Variants in GRB2 observed in about 807,000 individuals in gnomAD.
GRB2 encodes growth factor receptor bound protein 2, also known as growth factor receptor-bound protein 2.
A neutral mutation model predicts 27.4 loss-of-function variants in GRB2; 2 were observed. The ratio of observed to expected loss-of-function variants is 0.07; its 90% CI spans 0.03 to 0.23. The LOEUF is 0.23. Among genes scored for constraint, GRB2 ranks in the 10% least tolerant of loss-of-function variants. The probability of loss-of-function intolerance (pLI) is 1.00; values close to 1 mark genes in which losing one functional copy is unlikely to be tolerated. For synonymous variants in GRB2, 94 were observed against 99.6 expected, an observed-to-expected ratio of 0.94 and a Z score of 0.33; for missense variants, 102 against 282.4, an observed-to-expected ratio of 0.36 and a Z score of 4.58.
At chr17:75,376,962 G>A (rs2078897845) in intron 2 of GRB2, among the ~76,000 whole-genome samples, 1 of 152,054 alleles carries the variant, frequency 6.6e-6, no homozygotes, top group South Asian at 2.1e-4. Context: ...ACTGAGCCAT[G>A]ATTGTACCTC....
chr17:75,331,693 T>C (rs1332021799), intron 3 of GRB2, among the ~76,000 whole-genome samples: 1 of 152,186 alleles, frequency 6.6e-6, no homozygotes, highest in Non-Finnish European at 1.5e-5. Flanking sequence ...TTCTACTCGA[T>C]TGTTAAAAGA....
rs531688777 is a variant in GRB2 at position 75,377,714 on chromosome 17, C to T, written c.78+15837G>A. ...TTCAGGTCAAGAGTTAGAGACCAGCCTGGCCAACATGGCAAAACCCTGTCT... is the reference window on the plus strand; with the variant it reads ...TTCAGGTCAAGAGTTAGAGACCAGCTTGGCCAACATGGCAAAACCCTGTCT... On this transcript the variant is annotated intron_variant, in intron 2 of 5. Coordinates refer to ENST00000316804, the MANE Select transcript of GRB2 (RefSeq NM_002086.5). Among the ~76,000 whole-genome samples, 9 of 151,860 alleles carry T rather than the reference C, an allele frequency of 5.9e-5. No individual in the cohort carries two copies. In the East Asian group the frequency reaches 1.6e-3, roughly 26 times the overall value.
chr17:75,339,750 C>G (rs2078607999), intron 2 of GRB2, among the ~76,000 whole-genome samples: 1 of 152,004 alleles, frequency 6.6e-6, no homozygotes, highest in African/African-American at 2.4e-5. Flanking sequence ...CCTCAGCCTC[C>G]CAAGTAGCTG....
chr17:75,325,187 T>C (rs2078490475), intron 4 of GRB2, among the ~76,000 whole-genome samples: 2 of 152,196 alleles, frequency 1.3e-5, no homozygotes, highest in Admixed American at 6.5e-5. Flanking sequence ...ATCTAATTAC[T>C]TCTTTATATA....
Position 75,323,806 on chromosome 17 carries a change from CTTTTT to C in GRB2, c.300-1984_300-1980del, listed in dbSNP as rs398031609. 2.8e-3 allele frequency among the ~76,000 whole-genome samples: 410 copies of C among 144,744 alleles called. 2 individuals are homozygous for C. Among genetic ancestry groups the C allele is most frequent in the South Asian group, 6.6e-3 (30 of 4,536 alleles). The allele number at this position is 144,744 out of a possible 152,430, so 95.0% of individuals were successfully genotyped here. A position where few individuals can be genotyped will look rare whatever the true frequency, so the allele number is the denominator to read the frequency against. On this transcript the variant is annotated intron_variant, in intron 4 of 5. Transcript: ENST00000316804. ...CAGGTGTCACACATGTTTTTCTTTT[CTTTTT>C]TTTTTTTTTTTAAAGATGGATGGAG... is the stretch of plus-strand genomic sequence containing the variant.
At chr17:75,328,367 C>T (rs1183963109) in intron 3 of GRB2, among the ~76,000 whole-genome samples, 4 of 151,466 alleles carry the variant, frequency 2.6e-5, no homozygotes, top group South Asian at 2.1e-4. Flanking sequence ...AGGCTGGGTG[C>T]GGTGGCTCAA....
chr17:75,366,147 A>T (rs1379765699), intron 2 of GRB2, among the ~76,000 whole-genome samples: 1 of 151,596 alleles, frequency 6.6e-6, no homozygotes, highest in African/African-American at 2.4e-5. Flanking sequence ...CAGCCGTTAC[A>T]AATTTCAGAG....
chr17:75,332,788 C>T lies in GRB2; in HGVS notation c.88G>A (p.Glu30Lys), dbSNP rs149945676. ...KRGDILKVLNEECDQNWYKAE... is the reference protein window; with the variant it reads ...KRGDILKVLNKECDQNWYKAE... ...TTGTACCAGTTCTGATCACATTCTTCGTTCAAAACCTGAAAAGAAATAAGA... is the reference window on the plus strand; with the variant it reads ...TTGTACCAGTTCTGATCACATTCTTTGTTCAAAACCTGAAAAGAAATAAGA... Residue 30 changes from glutamate to lysine, a missense_variant, in exon 3 of 6, where the codon GAA becomes AAA. By Grantham distance (56) the Glu-to-Lys change is moderately conservative (BLOSUM62 1). This residue lies in a region of GRB2 where 45 missense variants were observed against 110.6 expected (regional missense o/e 0.41). Coordinates refer to ENST00000316804, the MANE Select transcript of GRB2 (RefSeq NM_002086.5). 20 of 1,595,916 alleles carry T rather than the reference C, an allele frequency of 1.3e-5. No individual in the cohort carries two copies. The highest frequency in any genetic ancestry group is 3.5e-5 in the Admixed American group (2 of 57,422).
At chr17:75,405,408 G>C (rs1012520555) in intron 1 of GRB2, 81 bp downstream of exon 1, 3 of 152,328 alleles carry the variant, frequency 2.0e-5, no homozygotes, top group African/African-American at 7.2e-5. Flanking sequence ...GCCGGTCCCG[G>C]TTCCCCCGGG....
chr17:75,395,387 A>T (rs1053213308), intron 1 of GRB2, among the ~76,000 whole-genome samples: 2 of 152,190 alleles, frequency 1.3e-5, no homozygotes, highest in African/African-American at 2.4e-5. Flanking sequence ...AGCAAATATT[A>T]AAAAATACAG....
chr17:75,377,048 G>A (rs1320500919), intron 2 of GRB2, among the ~76,000 whole-genome samples: 2 of 150,960 alleles, frequency 1.3e-5, no homozygotes. Context: ...TGGGCCCAGT[G>A]ACTCACATCT....
rs61764607 is a variant in GRB2 at position 75,331,007 on chromosome 17, CACAA to C, written c.176+1689_176+1692del. 6.8e-4 allele frequency among the ~76,000 whole-genome samples: 103 copies of C among 151,994 alleles called. 1 individual carries two copies. The highest frequency in any genetic ancestry group is 2.2e-3 in the African/African-American group (90 of 41,362). On this transcript the variant is annotated intron_variant, in intron 3 of 5. Transcript: ENST00000316804. ...CTCCATAACCCCTGCTCCCCACCCC[CACAA>C]ACAAACAAACAAACAAACAAAAAAA...
At position 75,391,514 on chromosome 17, in the gene GRB2, A is replaced by C. The variant is rs190739915; in HGVS notation, c.78+2037T>G. Among the ~76,000 whole-genome samples, 46 of 152,282 alleles carry C rather than the reference A, an allele frequency of 3.0e-4. 1 individual carries two copies. In the East Asian group the frequency reaches 7.9e-3, roughly 26 times the overall value. ...AAATCAGGGAAAGTTCTTGTTTAAA[A>C]ATTTTAAAAAAAGGCTGGGTGCAGT... On this transcript the variant is annotated intron_variant, in intron 2 of 5. Coordinates refer to ENST00000316804, the MANE Select transcript of GRB2 (RefSeq NM_002086.5).
intron 2 of GRB2, among the ~76,000 whole-genome samples, chr17:75,389,539 C>T (rs1369366008): frequency 2.6e-5 from 4 of 152,146 alleles, no homozygotes; most frequent in Non-Finnish European, 4.4e-5. Context: ...AAGAGTAAGT[C>T]TAACTTAAGA....
At chr17:75,380,947 T>C (rs2078923854) in intron 2 of GRB2, among the ~76,000 whole-genome samples, 1 of 152,330 alleles carries the variant, frequency 6.6e-6, no homozygotes, top group African/African-American at 2.4e-5. Flanking sequence ...GTGCTATTAT[T>C]ATGTATTCTG....
intron 3 of GRB2, chr17:75,326,362 C>T: frequency 3.7e-6 from 1 of 273,946 alleles, no homozygotes; most frequent in South Asian, 4.6e-5. Flanking sequence ...AAGCTCAGGC[C>T]TTTGGGCTTG....
At chr17:75,337,871 T>TTACTACTAC (rs1224394398) in intron 2 of GRB2, among the ~76,000 whole-genome samples, 22 of 117,626 alleles carry the variant, frequency 1.9e-4, no homozygotes, top group African/African-American at 7.1e-4. Context: ...CGGCCTACTA[T>TTACTACTAC]TACTACTACT....
intron 2 of GRB2, among the ~76,000 whole-genome samples, chr17:75,340,680 T>G (rs1009982326): frequency 3.9e-5 from 6 of 152,196 alleles, no homozygotes; most frequent in African/African-American, 1.2e-4. Context: ...TCAACTTCCC[T>G]TAGTATGGAT....
intron 2 of GRB2, among the ~76,000 whole-genome samples, chr17:75,389,187 C>T (rs1005281622): frequency 6.6e-6 from 1 of 152,214 alleles, no homozygotes; most frequent in African/African-American, 2.4e-5. Flanking sequence ...CCAACTCTAC[C>T]TTATTTTCCA....
Sources: allele counts gnomAD v4.1 joint callset (sites outside exome capture counted in the v4.1 genomes callset), GRCh38; gene constraint gnomAD v4.1.1; regional missense constraint gnomAD v4.1.1; transcripts MANE v1.5; gene names NCBI Gene and HGNC (gene_info 2026-07-23, HGNC 2026-07-21).